Variants in MXD1 observed in about 807,000 individuals in gnomAD.
The protein encoded by MXD1 is MAX dimerization protein 1, also known as MAX-binding protein.
A neutral mutation model predicts 25.7 loss-of-function variants in MXD1; 9 were observed. That is an observed-to-expected ratio of 0.35 (90% CI 0.21 to 0.61). MXD1 has a LOEUF of 0.61. Ranked by LOEUF, MXD1 falls within the 20% of genes least tolerant of loss-of-function variation. The pLI, the probability that MXD1 is intolerant of heterozygous loss-of-function variation, is 0.75. For synonymous variants in MXD1, 99 were observed against 113.9 expected (o/e 0.87, Z 0.83); for missense variants, 227 against 292.4 (o/e 0.78, Z 1.63).
In MXD1 at chr2:69,942,583, A is replaced by T. The variant is rs1677635511; in HGVS notation, c.*4299A>T. On this transcript the variant is annotated 3_prime_UTR_variant, in exon 6 of 6. Coordinates refer to ENST00000264444, the MANE Select transcript of MXD1 (RefSeq NM_002357.4). ...TCTCTGTGGGGTGGCAAGTTGAGGG[A>T]GCATTCTTCATTTTAGCTTTTACCT... 6.6e-6 allele frequency: 1 copy of T among 152,240 alleles called. No individual in the cohort carries two copies. Among genetic ancestry groups the T allele is most frequent in the African/African-American group, 2.4e-5 (1 of 41,532 alleles). The allele number at this position is 152,240 out of a possible 1,614,324, so 9.4% of individuals were successfully genotyped here.
intron 3 of MXD1, among the ~76,000 whole-genome samples, chr2:69,927,729 T>A (rs1189810829): frequency 6.6e-6 from 1 of 152,256 alleles, no homozygotes; most frequent in Non-Finnish European, 1.5e-5. Flanking sequence ...TTTCATACTT[T>A]AATAATGAAG....
intron 3 of MXD1, among the ~76,000 whole-genome samples, chr2:69,924,510 T>C (rs1474785569): frequency 6.6e-6 from 1 of 152,218 alleles, no homozygotes; most frequent in Non-Finnish European, 1.5e-5. Context: ...GTTGCTGGGC[T>C]CCACTCTCTT....
intron 3 of MXD1, among the ~76,000 whole-genome samples, chr2:69,923,783 G>T (rs528112601): frequency 6.6e-6 from 1 of 152,334 alleles, no homozygotes; most frequent in African/African-American, 2.4e-5. Flanking sequence ...GTAGTCAGTT[G>T]TGGCTTCTCT....
At chr2:69,934,659 G>A (rs1015508392) in intron 3 of MXD1, among the ~76,000 whole-genome samples, 4 of 152,112 alleles carry the variant, frequency 2.6e-5, no homozygotes, top group South Asian at 2.1e-4. Context: ...ATAGATTCTT[G>A]TTTTCCTCCA....
chr2:69,927,787 A>G (rs373022446), intron 3 of MXD1, among the ~76,000 whole-genome samples: 21 of 152,310 alleles, frequency 1.4e-4, no homozygotes, highest in African/African-American at 4.6e-4. Context: ...CTATTTATGT[A>G]TTATTCACTG....
In MXD1 at chr2:69,932,972, G is replaced by T. The variant is rs189785251; in HGVS notation, c.204-2379G>T. 3.4e-3 allele frequency among the ~76,000 whole-genome samples: 525 copies of T among 152,192 alleles called. 4 individuals are homozygous for T. The highest frequency in any genetic ancestry group is 0.01 in the African/African-American group (435 of 41,524). On this transcript the variant is annotated intron_variant, in intron 3 of 5. Coordinates refer to ENST00000264444, the MANE Select transcript of MXD1 (RefSeq NM_002357.4). ...CCAGCACTTTGGGAGGCTGAGGCAG[G>T]CAGATTGCTTGAGGTCAGGAGTTCG...
intron 3 of MXD1, among the ~76,000 whole-genome samples, chr2:69,928,547 T>A (rs1307799741): frequency 6.6e-6 from 1 of 152,096 alleles, no homozygotes; most frequent in African/African-American, 2.4e-5. Context: ...ACCTCAAAGG[T>A]AGGGACTTGA....
At chr2:69,920,313 A>G (rs1392743125) in intron 2 of MXD1, among the ~76,000 whole-genome samples, 1 of 152,258 alleles carries the variant, frequency 6.6e-6, no homozygotes, top group East Asian at 1.9e-4. Context: ...CCAATTTTGG[A>G]TTGGTTTGAA....
At position 69,938,257 on chromosome 2, in the gene MXD1, C is replaced by G. The variant is rs191421946; in HGVS notation, c.639C>G (p.Asp213Glu). ...STSIKRIKLQ[D>E]SHKACLGL ...GCATCAAGAGAATAAAGCTGCAGGA[C>G]AGTCACAAGGCGTGTCTTGGTCTCT... Residue 213 changes from aspartate (D) to glutamate (E), a missense_variant, in exon 6 of 6, where the codon GAC (aspartate) becomes GAG (glutamate). Transcript: ENST00000264444. The G allele has an allele frequency of 6.3e-5, 102 of 1,614,178 alleles. No individual in the cohort carries two copies. Among genetic ancestry groups the G allele is most frequent in the Non-Finnish European group, 8.3e-5 (98 of 1,180,014 alleles).
intron 3 of MXD1, among the ~76,000 whole-genome samples, chr2:69,927,876 C>T (rs569341754): frequency 5.3e-4 from 81 of 152,024 alleles, no homozygotes; most frequent in Admixed American, 1.2e-3. Context: ...TTTAGGGTTC[C>T]AATTAAGTTG....
chr2:69,933,524 GCTATTAC>G (rs1427335289), intron 3 of MXD1, among the ~76,000 whole-genome samples: 3 of 152,116 alleles, frequency 2.0e-5, no homozygotes, highest in Middle Eastern at 3.2e-3. Flanking sequence ...AAGCCCTTGT[GCTATTAC>G]CTCTTCCTAG....
At position 69,915,218 on chromosome 2, in the gene MXD1, G is replaced by GTCCACAGCGGGC. The variant is rs1051652131; in HGVS notation, c.-96_-85dup. The GTCCACAGCGGGC allele has an allele frequency of 3.2e-5, 31 of 966,838 alleles. No homozygotes were observed. Among genetic ancestry groups the GTCCACAGCGGGC allele is most frequent in the Middle Eastern group, 3.5e-4 (1 of 2,830 alleles). 59.9% of individuals were successfully genotyped at this position (966,838 alleles called of 1,614,324 possible). A position where few individuals can be genotyped will look rare whatever the true frequency, so the allele number is the denominator to read the frequency against. On this transcript the variant is annotated 5_prime_UTR_variant, in exon 1 of 6. Coordinates refer to ENST00000264444, the MANE Select transcript of MXD1 (RefSeq NM_002357.4). The surrounding 1 kb of genome is among the most constrained non-coding windows in gnomAD (Gnocchi z 5.8). ...GGCTCCCTCAGCCCTGCTCCGCGGGGTCCACAGCGGGCTCCACAGCGGGCT... is the reference window on the plus strand; with the variant it reads ...GGCTCCCTCAGCCCTGCTCCGCGGGGTCCACAGCGGGCTCCACAGCGGGCTCCACAGCGGGCT...
In MXD1 at chr2:69,940,071, A is replaced by G. The variant is rs1558574805; in HGVS notation, c.*1787A>G. 9.3e-6 allele frequency: 1 copy of G among 107,258 alleles called. No homozygotes were observed. The highest frequency in any genetic ancestry group is 3.7e-5 in the African/African-American group (1 of 26,676). 6.6% of individuals were successfully genotyped at this position (107,258 alleles called of 1,614,324 possible). A position where few individuals can be genotyped will look rare whatever the true frequency, so the allele number is the denominator to read the frequency against. On this transcript the variant is annotated 3_prime_UTR_variant, in exon 6 of 6. Coordinates refer to ENST00000264444, the MANE Select transcript of MXD1 (RefSeq NM_002357.4). ...CTAAATGATTCCAAAGTCACCTGTA[A>G]TTCTTCTGTTTTTGTTTTGTTCTGT...
At chr2:69,916,363 A>C in intron 2 of MXD1, 143 bp downstream of exon 2, 1 of 529,170 alleles carries the variant, frequency 1.9e-6, no homozygotes, top group East Asian at 3.3e-5. Flanking sequence ...CATGGACTTA[A>C]GCCATTGCAG....
chr2:69,939,143 TTCCCCCCCCAAAATA>T lies in MXD1; in HGVS notation c.*860_*874del. The T allele has an allele frequency of 6.6e-6, 1 of 150,928 alleles. No individual in the cohort carries two copies. The allele number at this position is 150,928 out of a possible 1,614,324, so 9.3% of individuals were successfully genotyped here. On this transcript the variant is annotated 3_prime_UTR_variant, in exon 6 of 6. Coordinates refer to ENST00000264444, the MANE Select transcript of MXD1 (RefSeq NM_002357.4). ...CACTTAACACAGTGATTATCCTTTT[TTCCCCCCCCAAAATA>T]GTGACATTTGGTCCAATTATAATCT...
Position 69,937,340 on chromosome 2 carries a change from C to G in MXD1, c.424C>G (p.Arg142Gly), listed in dbSNP as rs753694225. 1 of 1,614,044 alleles carries G rather than the reference C, an allele frequency of 6.2e-7. No individual in the cohort carries two copies. Among genetic ancestry groups the G allele is most frequent in the Admixed American group, 1.7e-5 (1 of 60,010 alleles). Reference protein sequence around the residue: ...QLEKLGIERIRMDSIGSTVSS... With the variant: ...QLEKLGIERIGMDSIGSTVSS... Reference sequence around the variant, plus strand: ...GGAGAAGCTGGGCATTGAGAGGATCCGGATGGACAGCATCGGCTCCACCGT... The same window carrying G: ...GGAGAAGCTGGGCATTGAGAGGATCGGGATGGACAGCATCGGCTCCACCGT... Residue 142 changes from arginine (R) to glycine (G), a missense_variant, in exon 5 of 6, where the codon CGG becomes GGG. Arg to Gly is a moderately radical substitution (Grantham distance 125). Transcript: ENST00000264444.
Position 69,938,717 on chromosome 2 carries a change from T to A in MXD1, c.*433T>A, listed in dbSNP as rs1677520507. ...AGGAAACAAACTTTTGAAATTGAGA[T>A]CCTGATCTCAGAACTCCAAAGTAAG... On this transcript the variant is annotated 3_prime_UTR_variant, in exon 6 of 6. Transcript: ENST00000264444. 1 of 156,110 alleles carries A rather than the reference T, an allele frequency of 6.4e-6. No homozygotes were observed. Among genetic ancestry groups the A allele is most frequent in the Non-Finnish European group, 1.4e-5 (1 of 70,336 alleles). The allele number at this position is 156,110 out of a possible 1,614,324, so 9.7% of individuals were successfully genotyped here.
In MXD1 at chr2:69,915,635, C is replaced by G. The variant is rs1441727393; in HGVS notation, c.73+232C>G. Among the ~76,000 whole-genome samples the G allele has an allele frequency of 6.6e-6, 1 of 152,188 alleles. No individual in the cohort carries two copies. The highest frequency in any genetic ancestry group is 2.4e-5 in the African/African-American group (1 of 41,462). ...GCCCGCCGGGGTCCCGAACGCCGCC[C>G]CTTCCCCAGCCCTTCACGAGTGGGT... On this transcript the variant is annotated intron_variant, in intron 1 of 5. Coordinates refer to ENST00000264444, the MANE Select transcript of MXD1 (RefSeq NM_002357.4). This position sits in a 1 kb window ranked among gnomAD's most constrained non-coding sequence, Gnocchi z 5.8.
rs973736813 is a variant in MXD1, at chr2:69,942,535, G to T, written c.*4251G>T. On this transcript the variant is annotated 3_prime_UTR_variant, in exon 6 of 6. Coordinates refer to ENST00000264444, the MANE Select transcript of MXD1 (RefSeq NM_002357.4). ...GGCACCCAATGTTAAGATTTATCCA[G>T]ATTTTTACATTTTGATTTCTTCTCT... The T allele has an allele frequency of 2.6e-5, 4 of 152,156 alleles. No homozygotes were observed. Among genetic ancestry groups the T allele is most frequent in the African/African-American group, 9.7e-5 (4 of 41,442 alleles). 9.4% of individuals were successfully genotyped at this position (152,156 alleles called of 1,614,324 possible).
Sources: allele counts gnomAD v4.1 joint callset (sites outside exome capture counted in the v4.1 genomes callset), GRCh38; gene constraint gnomAD v4.1.1; non-coding constraint Gnocchi (gnomAD v3.1); transcripts MANE v1.5; gene names NCBI Gene and HGNC (gene_info 2026-07-23, HGNC 2026-07-21).